Variants in THRAP3 observed in about 807,000 individuals in gnomAD.
THRAP3 encodes the protein thyroid hormone receptor-associated protein 3.
A neutral mutation model predicts 101.0 loss-of-function variants in THRAP3; 16 were observed. That is an observed-to-expected ratio of 0.16 (90% confidence interval 0.11 to 0.24). THRAP3 has a LOEUF of 0.24. Among genes scored for constraint, THRAP3 ranks in the 10% least tolerant of loss-of-function variants. THRAP3 has a pLI of 1.00. For missense variants in THRAP3, 989 were observed against 1,202.7 expected (o/e 0.82, Z 2.63); for synonymous variants, 407 against 422.6 (o/e 0.96, Z 0.45).
At chr1:36,256,532 G>T (rs969725948) in intron 1 of THRAP3, among the ~76,000 whole-genome samples, 4 of 151,938 alleles carry the variant, frequency 2.6e-5, no homozygotes, top group Admixed American at 6.6e-5. Context: ...ACCCTGCCTG[G>T]ATTATTTTGG....
At chr1:36,211,653 A>G in the THRAP3 span, among the ~76,000 whole-genome samples, 7 of 152,328 alleles carry the variant, frequency 4.6e-5, no homozygotes, top group East Asian at 1.3e-3. Context: ...GTGAGGGAGT[A>G]ACCATTTTCT....
At chr1:36,280,184 A>G (rs1244219974) in intron 2 of THRAP3, among the ~76,000 whole-genome samples, 3 of 152,302 alleles carry the variant, frequency 2.0e-5, no homozygotes, top group South Asian at 4.1e-4. Flanking sequence ...TGGGCAAGTT[A>G]ATTACTTTCT....
chr1:36,272,572 CA>C (rs1645605123), intron 2 of THRAP3, among the ~76,000 whole-genome samples: 2 of 152,200 alleles, frequency 1.3e-5, no homozygotes, highest in Admixed American at 1.3e-4. Context: ...GCTTTCCTCC[CA>C]TAACTGTCCA....
At chr1:36,302,302 G>GGA (rs1646039831) in intron 11 of THRAP3, among the ~76,000 whole-genome samples, 1 of 152,226 alleles carries the variant, frequency 6.6e-6, no homozygotes, top group South Asian at 2.1e-4. Flanking sequence ...CTAAGGTAAA[G>GGA]GAGCAGCTGA....
At chr1:36,247,726 T>C (rs965015428) in intron 1 of THRAP3, among the ~76,000 whole-genome samples, 1 of 152,200 alleles carries the variant, frequency 6.6e-6, no homozygotes, top group African/African-American at 2.4e-5. Flanking sequence ...TGCCTCATTT[T>C]TTTTGTGTGG....
upstream of THRAP3, among the ~76,000 whole-genome samples, chr1:36,221,670 G>A (rs543963008): frequency 1.8e-4 from 27 of 152,290 alleles, no homozygotes; most frequent in Admixed American, 5.9e-4. Context: ...TGCAACCTCC[G>A]CCTCTTGGGT....
At chr1:36,254,607 C>G (rs1003498865) in intron 1 of THRAP3, among the ~76,000 whole-genome samples, 2 of 152,216 alleles carry the variant, frequency 1.3e-5, no homozygotes, top group East Asian at 1.9e-4. Flanking sequence ...GTCCCTGTTG[C>G]AGCTACTCAG....
intron 4 of THRAP3, chr1:36,288,545 A>G: frequency 1.0e-6 from 1 of 985,406 alleles, no homozygotes; most frequent in South Asian, 4.7e-5. Context: ...ATTTGTGTTC[A>G]CAGTATATTT....
At chr1:36,290,692 C>T (rs1028654619) in intron 5 of THRAP3, among the ~76,000 whole-genome samples, 1 of 151,954 alleles carries the variant, frequency 6.6e-6, no homozygotes, top group Admixed American at 6.6e-5. Context: ...TCTTGAACCC[C>T]TGACTTCAGG....
At chr1:36,228,987 C>T (rs948374237) in intron 1 of THRAP3, among the ~76,000 whole-genome samples, 1 of 152,246 alleles carries the variant, frequency 6.6e-6, no homozygotes, top group African/African-American at 2.4e-5. Flanking sequence ...GCGACAGAGC[C>T]AGACCCTGTC....
At chr1:36,208,085 A>T in the THRAP3 span, among the ~76,000 whole-genome samples, 12 of 152,186 alleles carry the variant, frequency 7.9e-5, no homozygotes, top group Admixed American at 6.5e-4. Context: ...GAGCCACCGC[A>T]GCCAGCCAAG....
intron 9 of THRAP3, among the ~76,000 whole-genome samples, chr1:36,298,152 A>AAG (rs1645977973): frequency 6.8e-6 from 1 of 148,042 alleles, no homozygotes; most frequent in Admixed American, 6.7e-5. Flanking sequence ...ATCTCAAAAA[A>AAG]AAAAAAAAAA....
At chr1:36,236,608 C>T (rs1645091824) in intron 1 of THRAP3, among the ~76,000 whole-genome samples, 1 of 152,118 alleles carries the variant, frequency 6.6e-6, no homozygotes, top group Non-Finnish European at 1.5e-5. Flanking sequence ...TACCTTGCCT[C>T]TTCATATCTT....
At chr1:36,241,741 G>T (rs1430325441) in intron 1 of THRAP3, among the ~76,000 whole-genome samples, 1 of 151,826 alleles carries the variant, frequency 6.6e-6, no homozygotes, top group African/African-American at 2.4e-5. Flanking sequence ...ACCATGCCTG[G>T]CTAATTTTTG....
intron 2 of THRAP3, among the ~76,000 whole-genome samples, chr1:36,272,108 G>C (rs570984239): frequency 6.6e-6 from 1 of 151,316 alleles, no homozygotes; most frequent in South Asian, 2.1e-4. Context: ...TTGAACTTCT[G>C]GACTGAAAAG....
intron 1 of THRAP3, among the ~76,000 whole-genome samples, chr1:36,250,990 G>T (rs577741107): frequency 6.6e-6 from 1 of 151,488 alleles, no homozygotes; most frequent in Non-Finnish European, 1.5e-5. Flanking sequence ...CAAGTGATCC[G>T]CCCACCTTGG....
intron 2 of THRAP3, among the ~76,000 whole-genome samples, chr1:36,276,226 A>T (rs562490625): frequency 1.1e-4 from 16 of 151,854 alleles, no homozygotes; most frequent in African/African-American, 3.9e-4. Context: ...GTAAAAAAAA[A>T]AAAAAAATGT....
chr1:36,239,615 G>A (rs1471984202), intron 1 of THRAP3, among the ~76,000 whole-genome samples: 1 of 152,098 alleles, frequency 6.6e-6, no homozygotes, highest in African/African-American at 2.4e-5. Context: ...TGTTTCCCTG[G>A]TTCTGGGTAG....
Position 36,282,666 on chromosome 1 carries a change from C to T in THRAP3, c.103C>T (p.Arg35Ter). The T allele has an allele frequency of 6.2e-7, 1 of 1,614,018 alleles. No homozygotes were observed. Among genetic ancestry groups the T allele is most frequent in the Non-Finnish European group, 8.5e-7 (1 of 1,180,000 alleles). The change falls in exon 3 of 12, where the codon CGA becomes TGA. Residue 35 changes from arginine (R) to a stop codon, truncating the protein, a stop_gained. Transcript: ENST00000354618. LOFTEE classifies it high-confidence loss of function. The stretch of plus-strand genomic sequence containing the variant: ...ATTTTCGAAGTCTCGGTCCCGAAGC[C>T]GATCTCTCTCTCGTTCAAGGAAGCG... ...RSFSKSRSRS[R>*]SLSRSRKRRL...
Sources: allele counts gnomAD v4.1 joint callset (sites outside exome capture counted in the v4.1 genomes callset), GRCh38; gene constraint gnomAD v4.1.1; transcripts MANE v1.5; gene names NCBI Gene and HGNC (gene_info 2026-07-23, HGNC 2026-07-21).